SLC39A10: variants seen among roughly 807,000 people sequenced by gnomAD.
The protein encoded by SLC39A10 is zinc transporter ZIP10.
SLC39A10 carries 13 observed loss-of-function variants against 65.1 expected under a neutral mutation model. That is an observed-to-expected ratio of 0.20 (90% CI 0.13 to 0.32). SLC39A10 has a LOEUF of 0.32. Among genes scored for constraint, SLC39A10 ranks in the 10% least tolerant of loss-of-function variants. SLC39A10 has a pLI of 1.00. For missense variants in SLC39A10, 831 were observed against 1,018.4 expected (o/e 0.82, Z 2.50); for synonymous variants, 321 against 342.2 (o/e 0.94, Z 0.68).
intron 2 of SLC39A10, among the ~76,000 whole-genome samples, chr2:195,627,150 C>T (rs923029774): frequency 6.6e-6 from 1 of 152,006 alleles, no homozygotes; most frequent in African/African-American, 2.4e-5. Flanking sequence ...GAGTTTTGAA[C>T]CAGAGATATG....
In SLC39A10 at chr2:195,708,665, G is replaced by A. The variant is rs1302235471; in HGVS notation, c.1396G>A (p.Gly466Arg). 1 of 1,594,762 alleles carries A rather than the reference G, an allele frequency of 6.3e-7. No homozygotes were observed. Among genetic ancestry groups the A allele is most frequent in the East Asian group, 2.2e-5 (1 of 44,508 alleles). ...TTGTTCTTATTAATAGTCTCAGGGTGGACATGATCACAGTCACCAACATGC... is the reference window on the plus strand; with the variant it reads ...TTGTTCTTATTAATAGTCTCAGGGTAGACATGATCACAGTCACCAACATGC... ...LLHLLPHSQGGHDHSHQHAHG... is the reference protein window; with the variant it reads ...LLHLLPHSQGRHDHSHQHAHG... Residue 466 changes from glycine (G) to arginine (R), a missense_variant, in exon 5 of 10, where the codon GGA (glycine) becomes AGA (arginine). By Grantham distance (125) the Gly-to-Arg change is moderately radical. Around this residue, in one of 4 missense-constraint regions of SLC39A10, gnomAD observed 230 missense variants for 242.9 expected, o/e 0.95. Transcript: ENST00000359634.
chr2:195,637,748 G>T (rs185374552), intron 2 of SLC39A10, among the ~76,000 whole-genome samples: 1 of 152,176 alleles, frequency 6.6e-6, no homozygotes, highest in South Asian at 2.1e-4. Context: ...ATCCCTGAAG[G>T]TCTGCGTAGG....
At chr2:195,642,807 G>C (rs1386090040) in intron 2 of SLC39A10, among the ~76,000 whole-genome samples, 1 of 152,160 alleles carries the variant, frequency 6.6e-6, no homozygotes, top group African/African-American at 2.4e-5. Flanking sequence ...ACACACACTA[G>C]AGTAGAATAA....
At chr2:195,662,173 CTT>C (rs1689431009) in intron 1 of SLC39A10, among the ~76,000 whole-genome samples, 1 of 151,946 alleles carries the variant, frequency 6.6e-6, no homozygotes, top group African/African-American at 2.4e-5. Flanking sequence ...TCAGTGATCA[CTT>C]TAGGTTTTAG....
At chr2:195,714,312 T>G (rs1487312314) in intron 6 of SLC39A10, among the ~76,000 whole-genome samples, 2 of 152,230 alleles carry the variant, frequency 1.3e-5, no homozygotes, top group Non-Finnish European at 2.9e-5. Flanking sequence ...CATTGATGTT[T>G]TTGAGAAATT....
At chr2:195,659,022 T>C (rs1222041074) in intron 1 of SLC39A10, among the ~76,000 whole-genome samples, 3 of 152,246 alleles carry the variant, frequency 2.0e-5, no homozygotes, top group Admixed American at 6.5e-5. Flanking sequence ...AAATGATCTT[T>C]AAAGAATTTG....
rs1322234567 is a variant in SLC39A10 at position 195,637,606 on chromosome 2, G to GTA, written c.-12+31377_-12+31378dup. Among the ~76,000 whole-genome samples the GTA allele has an allele frequency of 2.6e-5, 4 of 152,326 alleles. No individual in the cohort carries two copies. The South Asian group carries it at 8.3e-4, about 32-fold the overall frequency. Reference sequence around the variant, plus strand: ...ATGGTGGTCAAGAAAACAGTAATGGGTATATGTACAGCTCCTGTTGGAAGA... The same window carrying GTA: ...ATGGTGGTCAAGAAAACAGTAATGGGTATATATGTACAGCTCCTGTTGGAAGA... On this transcript the variant is annotated intron_variant, in intron 2 of 2. Coordinates refer to the SLC39A10 transcript ENST00000458054.
chr2:195,625,942 C>A (rs984972436), intron 2 of SLC39A10, among the ~76,000 whole-genome samples: 3 of 152,108 alleles, frequency 2.0e-5, no homozygotes, highest in African/African-American at 7.2e-5. Flanking sequence ...CTGCGCCATA[C>A]CTGGCTAATT....
intron 2 of SLC39A10, among the ~76,000 whole-genome samples, chr2:195,613,648 G>A (rs746587872): frequency 6.6e-6 from 1 of 152,166 alleles, no homozygotes; most frequent in Non-Finnish European, 1.5e-5. Flanking sequence ...TAAAGTGGAA[G>A]TTCAACAGAT....
At chr2:195,657,541 G>T in intron 1 of SLC39A10, 3 of 983,592 alleles carry the variant, frequency 3.1e-6, no homozygotes, top group Non-Finnish European at 3.6e-6. Context: ...GCTGCGGGCC[G>T]CGGGATCGGG....
chr2:195,653,887 C>G (rs1312605489), upstream of SLC39A10, among the ~76,000 whole-genome samples: 1 of 152,152 alleles, frequency 6.6e-6, no homozygotes, highest in Non-Finnish European at 1.5e-5. Flanking sequence ...ACGGAAAGAA[C>G]AAGTGAGTTT....
chr2:195,649,424 CGT>C (rs1358789509), intron 2 of SLC39A10, among the ~76,000 whole-genome samples: 1 of 152,126 alleles, frequency 6.6e-6, no homozygotes, highest in Non-Finnish European at 1.5e-5. Context: ...AGACAGAACA[CGT>C]GTGTCTTGAT....
In SLC39A10 at chr2:195,619,120, G is replaced by GAA. The variant is rs1327390339; in HGVS notation, c.-12+12888_-12+12889insAA. 4.7e-3 allele frequency among the ~76,000 whole-genome samples: 686 copies of GAA among 146,534 alleles called. 3 individuals carry two copies. Among genetic ancestry groups the GAA allele is most frequent in the African/African-American group, 0.016 (631 of 38,662 alleles). On this transcript the variant is annotated intron_variant, in intron 2 of 2. Transcript: ENST00000458054. ...AAAAAAAAAAAAAAAAAAAAAGAGA[G>GAA]AGAGAGAAAGGAAAGAATAATGCAT...
At chr2:195,733,831 A>G (rs937922781) in intron 9 of SLC39A10, among the ~76,000 whole-genome samples, 12 of 152,286 alleles carry the variant, frequency 7.9e-5, no homozygotes, top group African/African-American at 2.9e-4. Context: ...ACGCCCAGCC[A>G]TATATAAACT....
At chr2:195,666,548 T>C (rs902867459) in intron 1 of SLC39A10, among the ~76,000 whole-genome samples, 6 of 152,156 alleles carry the variant, frequency 3.9e-5, no homozygotes, top group African/African-American at 1.4e-4. Context: ...AGCCTTGACC[T>C]CCCGGGCTCA....
At chr2:195,695,164 C>T (rs1690900219) in intron 3 of SLC39A10, among the ~76,000 whole-genome samples, 1 of 152,172 alleles carries the variant, frequency 6.6e-6, no homozygotes, top group Non-Finnish European at 1.5e-5. Flanking sequence ...CCCCCTCCCA[C>T]CTGGCTGTCT....
intron 2 of SLC39A10, among the ~76,000 whole-genome samples, chr2:195,632,233 C>T (rs930912964): frequency 7.0e-6 from 1 of 143,114 alleles, no homozygotes; most frequent in African/African-American, 2.6e-5. Flanking sequence ...AAAGCTTTTT[C>T]TGTGAAATTT....
In SLC39A10 at chr2:195,727,698, A is replaced by C. The variant is rs553592219; in HGVS notation, c.2147-461A>C. On this transcript the variant is annotated intron_variant, in intron 8 of 9. Coordinates refer to ENST00000359634, the MANE Select transcript of SLC39A10 (RefSeq NM_020342.3). Reference sequence around the variant, plus strand: ...TGACCATGTTTTTTTCTTTTGTAAAAATTTGACATTTAAGTTGTACAGTAG... The same window carrying C: ...TGACCATGTTTTTTTCTTTTGTAAACATTTGACATTTAAGTTGTACAGTAG... Among the ~76,000 whole-genome samples, 4 of 152,200 alleles carry C rather than the reference A, an allele frequency of 2.6e-5. No individual in the cohort carries two copies. In the East Asian group the frequency reaches 5.8e-4, roughly 22 times the overall value.
chr2:195,631,130 G>A (rs982701813), intron 2 of SLC39A10, among the ~76,000 whole-genome samples: 3 of 152,046 alleles, frequency 2.0e-5, no homozygotes, highest in African/African-American at 7.2e-5. Context: ...AGGTTGCAAT[G>A]AGCTGAGATC....
Sources: gnomAD v4.1 joint callset for allele counts (sites outside exome capture counted in the v4.1 genomes callset) on GRCh38, gnomAD v4.1.1 for gene constraint, gnomAD v4.1.1 regional missense constraint, MANE v1.5 for transcripts, NCBI Gene and HGNC (gene_info 2026-07-23, HGNC 2026-07-21) for gene names.